The following SMURF2 variants were observed in gnomAD, a reference collection of about 807,000 sequenced individuals.
The protein encoded by SMURF2 is E3 ubiquitin-protein ligase SMURF2.
A neutral mutation model predicts 109.6 loss-of-function variants in SMURF2; 48 were observed. The observed-to-expected ratio is 0.44, with a 90% CI of 0.35 to 0.56. The LOEUF (loss-of-function observed/expected upper bound fraction) is 0.56, where lower values mean the gene tolerates loss of function less well. SMURF2 is among the 20% of genes least tolerant of loss of function. SMURF2 has a pLI of 0.01. For synonymous variants in SMURF2, 288 were observed against 317.1 expected (o/e 0.91, Z 0.97); for missense variants, 575 against 909.0 (o/e 0.63, Z 4.72).
Position 64,578,530 on chromosome 17 carries a change from C to A in SMURF2, c.819G>T (p.Gln273His), listed in dbSNP as rs781963791. 3 of 1,613,964 alleles carry A rather than the reference C, an allele frequency of 1.9e-6. No individual in the cohort carries two copies. The highest frequency in any genetic ancestry group is 2.5e-6 in the Non-Finnish European group (3 of 1,179,840). ...GATCATGCCATGTGCTCACACCAGT[C>A]TGTGTATGTAAGAAATACACCTGGC... ...QQGQVYFLHT[Q>H]TGVSTWHDPR... Residue 273 changes from glutamine (Q) to histidine (H), a missense_variant, in exon 9 of 19, where the codon CAG becomes CAT. Physicochemically the swap from Gln to His is conservative, Grantham distance 24. Transcript: ENST00000262435.
At chr17:64,660,265 C>G (rs1361507182) in intron 1 of SMURF2, among the ~76,000 whole-genome samples, 1 of 152,132 alleles carries the variant, frequency 6.6e-6, no homozygotes, top group Non-Finnish European at 1.5e-5. Context: ...TTTCTGCACA[C>G]CTGGGATCAC....
chr17:64,625,554 A>G (rs1190134264), intron 1 of SMURF2, among the ~76,000 whole-genome samples: 1 of 152,244 alleles, frequency 6.6e-6, no homozygotes, highest in Non-Finnish European at 1.5e-5. Flanking sequence ...AACATAGTGT[A>G]GATTATGAGC....
At chr17:64,579,799 A>G (rs1218747693) in intron 8 of SMURF2, among the ~76,000 whole-genome samples, 162 of 152,210 alleles carry the variant, frequency 1.1e-3, no homozygotes, top group Non-Finnish European at 2.6e-4. Context: ...GAGGTTAAAT[A>G]ATGTGCTCGG....
intron 10 of SMURF2, among the ~76,000 whole-genome samples, chr17:64,563,464 C>T (rs1472800865): frequency 6.6e-6 from 1 of 152,196 alleles, no homozygotes; most frequent in Non-Finnish European, 1.5e-5. Context: ...TCAATATTAA[C>T]TACTCTTACA....
chr17:64,627,921 T>C (rs2144704176), intron 1 of SMURF2, among the ~76,000 whole-genome samples: 1 of 152,334 alleles, frequency 6.6e-6, no homozygotes, highest in Middle Eastern at 3.4e-3. Context: ...GACTTTGTGC[T>C]GGATTAGGCT....
At chr17:64,654,432 T>C (rs1339634902) in intron 1 of SMURF2, among the ~76,000 whole-genome samples, 1 of 152,238 alleles carries the variant, frequency 6.6e-6, no homozygotes, top group Non-Finnish European at 1.5e-5. Context: ...ATAAAATTTC[T>C]CACTTTGTTC....
chr17:64,647,840 G>A (rs140986764), intron 1 of SMURF2, among the ~76,000 whole-genome samples: 13 of 152,000 alleles, frequency 8.6e-5, no homozygotes, highest in African/African-American at 3.1e-4. Context: ...AGGACTGCTT[G>A]AAACCCAGAG....
chr17:64,545,836 C>T lies in SMURF2; in HGVS notation c.*12G>A. 6.5e-7 allele frequency: 1 copy of T among 1,528,978 alleles called. No homozygotes were observed. Among genetic ancestry groups the T allele is most frequent in the South Asian group, 1.1e-5 (1 of 89,324 alleles). The allele number at this position is 1,528,978 out of a possible 1,614,324, so 94.7% of individuals were successfully genotyped here. ...TGTATAAATAGAGTCCTGGGTAAAT[C>T]CTTGAAGCTTGTCATTCCACAGCAA... On this transcript the variant is annotated 3_prime_UTR_variant, in exon 19 of 19. Coordinates refer to ENST00000262435, the MANE Select transcript of SMURF2 (RefSeq NM_022739.4).
chr17:64,549,622 GGT>G (rs1555683438), intron 16 of SMURF2, among the ~76,000 whole-genome samples: 5 of 152,102 alleles, frequency 3.3e-5, no homozygotes, highest in Non-Finnish European at 1.5e-5. Flanking sequence ...CAGGCATGGT[GGT>G]GCACACCTGA....
intron 2 of SMURF2, among the ~76,000 whole-genome samples, chr17:64,602,785 G>A (rs1338149467): frequency 3.3e-5 from 5 of 152,054 alleles, no homozygotes; most frequent in South Asian, 2.1e-4. Context: ...AAAATTAGCC[G>A]GGTGTGGTGG....
At chr17:64,611,002 G>A (rs143542972) in intron 1 of SMURF2, among the ~76,000 whole-genome samples, 13 of 152,024 alleles carry the variant, frequency 8.6e-5, no homozygotes, top group African/African-American at 3.1e-4. Context: ...CTCTCTTCCA[G>A]TTCTGTTTAA....
rs7211783 is a variant in SMURF2 at position 64,658,069 on chromosome 17, T to C, written c.52+3760A>G. 9.1e-3 allele frequency among the ~76,000 whole-genome samples: 1,382 copies of C among 152,064 alleles called. 15 individuals are homozygous for C. The highest frequency in any genetic ancestry group is 0.032 in the African/African-American group (1,326 of 41,490). On this transcript the variant is annotated intron_variant, in intron 1 of 18. Coordinates refer to ENST00000262435, the MANE Select transcript of SMURF2 (RefSeq NM_022739.4). ...TAACACCTCTAGTATATAAAGTCAT[T>C]ATGGGCCGGGTGCCGTGGCTCATGC...
rs1598264653 is a variant in SMURF2 at position 64,546,129 on chromosome 17, A to G, written c.2147+134T>C. The G allele has an allele frequency of 6.1e-6, 6 of 980,454 alleles. No homozygotes were observed. The East Asian group carries it at 1.3e-4, about 21-fold the overall frequency. 60.7% of individuals were successfully genotyped at this position (980,454 alleles called of 1,614,324 possible). ...ATTTCCGAATAATCTTAACTTTTAA[A>G]TCACTTAAGTTGCTTATCATTCCCT... On this transcript the variant is annotated intron_variant, in intron 18 of 18. Transcript: ENST00000262435.
intron 1 of SMURF2, among the ~76,000 whole-genome samples, chr17:64,620,985 T>C (rs1430924375): frequency 5.3e-5 from 8 of 152,160 alleles, no homozygotes; most frequent in Non-Finnish European, 1.2e-4. Context: ...TGCGTACCCA[T>C]TCCTTAGGGC....
chr17:64,626,102 C>CA (rs1324888664), intron 1 of SMURF2, among the ~76,000 whole-genome samples: 1 of 151,234 alleles, frequency 6.6e-6, no homozygotes, highest in South Asian at 2.1e-4. Context: ...ACTAAAAATA[C>CA]AAAAAAATGA....
intron 1 of SMURF2, among the ~76,000 whole-genome samples, chr17:64,631,285 A>AGG (rs1970341810): frequency 3.4e-5 from 1 of 29,030 alleles, no homozygotes; most frequent in South Asian, 1.3e-3. Flanking sequence ...GGGGGGGGAG[A>AGG]GAGAGAGAGA....
intron 9 of SMURF2, among the ~76,000 whole-genome samples, chr17:64,576,874 T>C (rs1277524436): frequency 1.3e-5 from 1 of 77,062 alleles, no homozygotes; most frequent in Non-Finnish European, 2.2e-5. Context: ...TTTTCTATCC[T>C]TTTTTTTTTT....
rs781796522 is a variant in SMURF2 at position 64,591,114 on chromosome 17, C to T, written c.370G>A (p.Asp124Asn). The change falls in exon 5 of 19, where the codon GAC becomes AAC. Residue 124 changes from aspartate to asparagine, a missense_variant. By Grantham distance (23) the Asp-to-Asn change is conservative. Around this residue, in one of 5 missense-constraint regions of SMURF2, gnomAD observed 151 missense variants for 178.4 expected, o/e 0.85. Coordinates refer to ENST00000262435, the MANE Select transcript of SMURF2 (RefSeq NM_022739.4). ...RLDLCKLGPN[D>N]NDTVRGQIVV... is the part of the protein sequence containing the mutation. The stretch of plus-strand genomic sequence containing the variant: ...ATCTGTCCTCTAACTGTATCATTGT[C>T]ATTTGGCCCGAGTTTGCATAAATCC... 4 of 1,613,216 alleles carry T rather than the reference C, an allele frequency of 2.5e-6. No individual in the cohort carries two copies. In the African/African-American group the frequency reaches 4.0e-5, roughly 16 times the overall value.
At chr17:64,550,872 A>T (rs1969035497) in intron 16 of SMURF2, among the ~76,000 whole-genome samples, 1 of 152,118 alleles carries the variant, frequency 6.6e-6, no homozygotes, top group Non-Finnish European at 1.5e-5. Flanking sequence ...TTAGTGTAAA[A>T]CTAATTCAGA....
Sources: allele counts gnomAD v4.1 joint callset (sites outside exome capture counted in the v4.1 genomes callset), GRCh38; gene constraint gnomAD v4.1.1; regional missense constraint gnomAD v4.1.1; transcripts MANE v1.5; gene names NCBI Gene and HGNC (gene_info 2026-07-23, HGNC 2026-07-21).